Variants in GPHN observed in about 807,000 individuals in gnomAD.
The protein encoded by GPHN is gephyrin.
Under a neutral mutation model 95.5 loss-of-function variants are expected in GPHN, and 17 were observed. That is an observed-to-expected ratio of 0.18 (90% confidence interval 0.12 to 0.27). The LOEUF is 0.27. Ranked by LOEUF, GPHN falls within the 10% of genes least tolerant of loss-of-function variation. The pLI is 1.00. For missense variants in GPHN, 660 were observed against 978.1 expected, an observed-to-expected ratio of 0.67 and a Z score of 4.34; for synonymous variants, 320 against 322.5, an observed-to-expected ratio of 0.99 and a Z score of 0.08.
intron 12 of GPHN, among the ~76,000 whole-genome samples, chr14:67,097,201 C>T (rs1163312356): frequency 6.6e-6 from 1 of 152,104 alleles, no homozygotes; most frequent in Non-Finnish European, 1.5e-5. Context: ...AGGATGCACG[C>T]AACTCTTGAG....
the GPHN span, chr14:67,279,067 T>TG: frequency 1.5e-6 from 1 of 681,478 alleles, no homozygotes. Flanking sequence ...ATGTGAGAAG[T>TG]TTTTTTTTTT....
At chr14:67,481,232 A>T in the GPHN span, among the ~76,000 whole-genome samples, 1 of 152,166 alleles carries the variant, frequency 6.6e-6, no homozygotes, top group South Asian at 2.1e-4. Context: ...ACAGTGAGCT[A>T]TGATTGTGCC....
At chr14:67,119,693 G>A (rs2078898487) in intron 16 of GPHN, among the ~76,000 whole-genome samples, 2 of 152,216 alleles carry the variant, frequency 1.3e-5, no homozygotes, top group Admixed American at 1.3e-4. Context: ...GGGAGGCTGA[G>A]GCAGGAGACT....
the GPHN span, among the ~76,000 whole-genome samples, chr14:67,605,429 T>C: frequency 6.6e-6 from 1 of 152,148 alleles, no homozygotes; most frequent in Non-Finnish European, 1.5e-5. Flanking sequence ...AAATATCAGC[T>C]CACTATAACT....
intron 1 of GPHN, among the ~76,000 whole-genome samples, chr14:66,633,742 G>A (rs544756958): frequency 1.8e-4 from 28 of 152,122 alleles, no homozygotes; most frequent in South Asian, 6.2e-4. Context: ...TAAGTTAAAC[G>A]TCTTTGTCCA....
chr14:66,852,383 G>T (rs1486392570), intron 4 of GPHN, among the ~76,000 whole-genome samples: 1 of 148,456 alleles, frequency 6.7e-6, no homozygotes, highest in South Asian at 2.1e-4. Flanking sequence ...AAAAAAATGT[G>T]TGTGTGTGCG....
At chr14:66,757,492 C>T (rs754269503) in intron 2 of GPHN, among the ~76,000 whole-genome samples, 24 of 152,228 alleles carry the variant, frequency 1.6e-4, no homozygotes, top group Middle Eastern at 3.4e-3. Context: ...TGGGTTCAAG[C>T]GATTCTCCTG....
the GPHN span, among the ~76,000 whole-genome samples, chr14:67,481,072 C>G: frequency 6.6e-6 from 1 of 152,122 alleles, no homozygotes; most frequent in African/African-American, 2.4e-5. Context: ...GGGAGAATAG[C>G]TTGAGGCCAG....
At chr14:67,582,477 A>AGG in the GPHN span, among the ~76,000 whole-genome samples, 3,698 of 152,184 alleles carry the variant, frequency 0.024, 141 homozygotes, top group East Asian at 0.12. The surrounding 1 kb of genome is among the most constrained non-coding windows in gnomAD (Gnocchi z 5.0). Flanking sequence ...GTCTTAGCCA[A>AGG]GTCACTTCAC....
intron 8 of GPHN, among the ~76,000 whole-genome samples, chr14:66,961,244 C>G (rs935182795): frequency 3.3e-5 from 5 of 151,852 alleles, no homozygotes; most frequent in African/African-American, 9.7e-5. Flanking sequence ...TATTCATTTT[C>G]AGAGTTCTGG....
intron 12 of GPHN, among the ~76,000 whole-genome samples, chr14:67,097,664 A>T (rs1007026225): frequency 6.6e-6 from 1 of 152,158 alleles, no homozygotes; most frequent in Non-Finnish European, 1.5e-5. Flanking sequence ...TAGCTCAGGT[A>T]CTTTAATTAT....
At chr14:66,921,743 G>T (rs930677558) in intron 6 of GPHN, among the ~76,000 whole-genome samples, 6 of 151,958 alleles carry the variant, frequency 3.9e-5, no homozygotes, top group African/African-American at 1.2e-4. Context: ...AAAAGAGCCC[G>T]CATAGCCAAA....
the GPHN span, among the ~76,000 whole-genome samples, chr14:67,621,186 G>T: frequency 6.6e-6 from 1 of 152,156 alleles, no homozygotes; most frequent in African/African-American, 2.4e-5. Flanking sequence ...GTAGAGTGAG[G>T]CAAGGTCTGA....
chr14:66,522,555 A>G (rs2058524387), intron 1 of GPHN, among the ~76,000 whole-genome samples: 1 of 152,140 alleles, frequency 6.6e-6, no homozygotes, highest in African/African-American at 2.4e-5. Flanking sequence ...TTGAAAATTA[A>G]ACACTTTTTC....
chr14:67,395,593 G>T, the GPHN span: 1 of 1,609,660 alleles, frequency 6.2e-7, no homozygotes, highest in Non-Finnish European at 8.5e-7. Flanking sequence ...GCTGTGGGAA[G>T]AGAGAGCCAG....
At chr14:66,536,359 T>C (rs1008962269) in intron 1 of GPHN, among the ~76,000 whole-genome samples, 8 of 152,164 alleles carry the variant, frequency 5.3e-5, no homozygotes, top group South Asian at 2.1e-4. Flanking sequence ...GTGAATTACA[T>C]TGATTGATTT....
the GPHN span, among the ~76,000 whole-genome samples, chr14:67,352,136 T>A: frequency 1.3e-4 from 20 of 151,296 alleles, no homozygotes; most frequent in African/African-American, 4.6e-4. Flanking sequence ...AATAAAAAAA[T>A]AAAAATAAAA....
chr14:67,200,377 C>G, the GPHN span: 176 of 607,944 alleles, frequency 2.9e-4, 2 homozygotes, highest in Non-Finnish European at 3.8e-4. Flanking sequence ...CTTTTCGATA[C>G]CTTGGACCAA....
the GPHN span, among the ~76,000 whole-genome samples, chr14:67,317,993 A>G: frequency 6.6e-6 from 1 of 152,240 alleles, no homozygotes; most frequent in Non-Finnish European, 1.5e-5. Context: ...GACCTGAGTG[A>G]TGACTGTTGC....
Sources: allele counts gnomAD v4.1 joint callset (sites outside exome capture counted in the v4.1 genomes callset), GRCh38; gene constraint gnomAD v4.1.1; non-coding constraint Gnocchi (gnomAD v3.1); transcripts MANE v1.5; gene names NCBI Gene and HGNC (gene_info 2026-07-23, HGNC 2026-07-21).